Variants in RGL4 observed in about 807,000 individuals in gnomAD.
RGL4 encodes the protein ral-GDS-related protein.
Under a neutral mutation model 49.6 loss-of-function variants are expected in RGL4, and 41 were observed. That is an observed-to-expected ratio of 0.83 (90% CI 0.64 to 1.07). RGL4 has a LOEUF of 1.07. Ranked by LOEUF, RGL4 falls within the 50% of genes least tolerant of loss-of-function variation. The pLI, the probability that RGL4 is intolerant of heterozygous loss-of-function variation, is 0.00. For synonymous variants in RGL4, 255 were observed against 238.0 expected, an observed-to-expected ratio of 1.07 and a Z score of -0.66; for missense variants, 610 against 591.9, an observed-to-expected ratio of 1.03 and a Z score of -0.32.
intron 10 of RGL4, 148 bp from the exon 11 acceptor site, chr22:23,698,696 A>T: frequency 9.4e-7 from 1 of 1,064,596 alleles, no homozygotes; most frequent in South Asian, 1.5e-5. Flanking sequence ...GGCCAGCTGC[A>T]GAGAGCCTAT....
At chr22:23,697,293 T>C in intron 8 of RGL4, 48 bp downstream of exon 8, 2 of 1,496,480 alleles carry the variant, frequency 1.3e-6, no homozygotes, top group Non-Finnish European at 1.9e-6. Context: ...TCCTGAAGCT[T>C]GGGAGGAGAG....
chr22:23,697,034 C>A, intron 7 of RGL4, 137 bp from the exon 8 acceptor site: 1 of 720,094 alleles, frequency 1.4e-6, no homozygotes, highest in Non-Finnish European at 2.4e-6. Flanking sequence ...TTGGCTGCTC[C>A]AACCGGGAGA....
In RGL4 at chr22:23,693,898, C is replaced by A. The variant is rs775355671; in HGVS notation, c.836C>A (p.Thr279Asn). The A allele has an allele frequency of 8.1e-6, 13 of 1,613,818 alleles. No individual in the cohort carries two copies. In the Admixed American group the frequency reaches 2.0e-4, roughly 25 times the overall value. Reference protein sequence around the residue: ...HFNRLTNCITTSCLGDHSMRA... With the variant: ...HFNRLTNCITNSCLGDHSMRA... ...AACAGGCTCACCAACTGCATCACCA[C>A]CTCCTGCCTCGGGGACCACAGCATG... The change falls in exon 4 of 11, where the codon ACC (threonine) becomes AAC (asparagine). Residue 279 changes from threonine to asparagine, a missense_variant. By Grantham distance (65) the Thr-to-Asn change is moderately conservative (BLOSUM62 0). Coordinates refer to ENST00000290691, the MANE Select transcript of RGL4 (RefSeq NM_153615.2).
In RGL4 at chr22:23,692,039, G is replaced by A. The variant is rs1241287122; in HGVS notation, c.9G>A (p.Lys3=). ...CCAGATCTGGAGCTTTGATGAGGAA[G>A]CTGCTCACAAATCTGCCTGCAGCTG... The part of the protein sequence containing the change: MR[K]LLTNLPAAAV... The change falls in exon 1 of 11, where the codon AAG becomes AAA. Residue 3 remains lysine (K), a synonymous_variant. Coordinates refer to ENST00000290691, the MANE Select transcript of RGL4 (RefSeq NM_153615.2). The A allele has an allele frequency of 2.5e-6, 4 of 1,613,582 alleles. No homozygotes were observed. The highest frequency in any genetic ancestry group is 3.3e-4 in the Middle Eastern group (2 of 6,062).
rs528163306 is a variant in RGL4 at position 23,697,810 on chromosome 22, T to C, written c.1237-28T>C. On this transcript the variant is annotated intron_variant, in intron 8 of 10. Transcript: ENST00000290691. Reference sequence around the variant, plus strand: ...TGGGGCTGGTTGTGGGCCAGGGGCCTTTCTGATGGACTCTGTCTGCCTTCC... The same window carrying C: ...TGGGGCTGGTTGTGGGCCAGGGGCCCTTCTGATGGACTCTGTCTGCCTTCC... 83 of 1,599,230 alleles carry C rather than the reference T, an allele frequency of 5.2e-5. 2 individuals carry two copies. Among genetic ancestry groups the C allele is most frequent in the South Asian group, 1.9e-4 (17 of 87,986 alleles).
intron 4 of RGL4, 56 bp from the exon 5 acceptor site, chr22:23,694,291 G>A (rs1923344158): frequency 1.5e-6 from 2 of 1,318,146 alleles, no homozygotes. Context: ...GGGGGCTGAG[G>A]CTGTAGTGGG....
At chr22:23,695,438 TCTG>T (rs60344348) in intron 6 of RGL4, 217,107 of 529,330 alleles carry the variant, frequency 0.41, 36,466 homozygotes, top group African/African-American at 0.74. Context: ...AAGCCAGGCC[TCTG>T]CTGCTGCTGC....
chr22:23,698,330 A>T lies in RGL4; in HGVS notation c.1379A>T (p.Glu460Val). Residue 460 changes from glutamate (E) to valine (V), a missense_variant, in exon 10 of 11, where the codon GAG (glutamate) becomes GTG (valine). Glu to Val is a moderately radical substitution (Grantham distance 121). Transcript: ENST00000290691. ...AGAATGGAGCAGCTCAGTGACAAAGAGAGGTGAGGGCCTAGCCCATGGGCT... is the reference window on the plus strand; with the variant it reads ...AGAATGGAGCAGCTCAGTGACAAAGTGAGGTGAGGGCCTAGCCCATGGGCT... ...FTRMEQLSDK[E>V]SYKLSCQLEP... The T allele has an allele frequency of 6.2e-7, 1 of 1,602,664 alleles. No individual in the cohort carries two copies. Among genetic ancestry groups the T allele is most frequent in the Admixed American group, 1.7e-5 (1 of 59,804 alleles).
chr22:23,696,557 G>T, intron 6 of RGL4, 57 bp from the exon 7 acceptor site: 1 of 1,611,800 alleles, frequency 6.2e-7, no homozygotes. Context: ...GGGTGGCTGG[G>T]GTGTAACTGG....
intron 5 of RGL4, 56 bp downstream of exon 5, chr22:23,694,506 TC>T (rs779319899): frequency 2.5e-6 from 3 of 1,184,622 alleles, no homozygotes; most frequent in East Asian, 2.4e-5. Flanking sequence ...CTCACAGGTC[TC>T]CCCCCATGTG....
In RGL4 at chr22:23,692,766, G is replaced by C. The variant is rs1923221228; in HGVS notation, c.471G>C (p.Glu157Asp). 3 of 1,613,392 alleles carry C rather than the reference G, an allele frequency of 1.9e-6. No individual in the cohort carries two copies. In the African/African-American group the frequency reaches 4.0e-5, roughly 22 times the overall value. ...ACCTGGGGCCTGCTCTGGAGCCAGA[G>C]TCACCTGCAGCCCTGGGTCCACCAG... Reference protein sequence around the residue: ...LADLGPALEPESPAALGPPGY... With the variant: ...LADLGPALEPDSPAALGPPGY... The change falls in exon 3 of 11, where the codon GAG becomes GAC. Residue 157 changes from glutamate (E) to aspartate (D), a missense_variant. Physicochemically the swap from Glu to Asp is conservative, Grantham distance 45. Coordinates refer to ENST00000290691, the MANE Select transcript of RGL4 (RefSeq NM_153615.2).
rs201544430 is a variant in RGL4 at position 23,697,166 on chromosome 22, C to T, written c.1162-5C>T. 206 of 1,610,452 alleles carry T rather than the reference C, an allele frequency of 1.3e-4. 1 individual carries two copies. The African/African-American group carries it at 2.1e-3, about 17-fold the overall frequency. Reference sequence around the variant, plus strand: ...CTCCCACCTCCCCACCCCTCCTTGGCACAGGGTGTGGTCCCCTTCCTGGGG... The same window carrying T: ...CTCCCACCTCCCCACCCCTCCTTGGTACAGGGTGTGGTCCCCTTCCTGGGG... On this transcript the variant is annotated splice_polypyrimidine_tract_variant and splice_region_variant and intron_variant, in intron 7 of 10. Transcript: ENST00000290691.
At position 23,699,163 on chromosome 22, in the gene RGL4, A is replaced by G. The variant is rs1397233864; in HGVS notation, c.*280A>G. On this transcript the variant is annotated 3_prime_UTR_variant, in exon 11 of 11. Transcript: ENST00000290691. ...ACTTTCGTTAAAATAAAATTTTAAA[A>G]AACTATTCAAAATGTTCTGTAGTTG... 4.4e-6 allele frequency: 6 copies of G among 1,367,634 alleles called. No homozygotes were observed. The East Asian group carries it at 1.5e-4, about 35-fold the overall frequency. 84.7% of individuals were successfully genotyped at this position (1,367,634 alleles called of 1,614,324 possible). A position where few individuals can be genotyped will look rare whatever the true frequency, so the allele number is the denominator to read the frequency against.
In RGL4 at chr22:23,691,332, A is replaced by G. The variant is rs942639641; in HGVS notation, c.-699A>G. The G allele has an allele frequency of 2.6e-5, 4 of 152,206 alleles. No homozygotes were observed. Among genetic ancestry groups the G allele is most frequent in the Admixed American group, 2.0e-4 (3 of 15,286 alleles). 9.4% of individuals were successfully genotyped at this position (152,206 alleles called of 1,614,324 possible). On this transcript the variant is annotated 5_prime_UTR_variant, in exon 1 of 11. Transcript: ENST00000290691. ...TCCTTCTGGCTGGTCTTTCTCCTTGACACAGACAGAAGAGGGGTCCCTTGG... is the reference window on the plus strand; with the variant it reads ...TCCTTCTGGCTGGTCTTTCTCCTTGGCACAGACAGAAGAGGGGTCCCTTGG...
Position 23,697,883 on chromosome 22 carries a change from G to A in RGL4, c.1260+22G>A, listed in dbSNP as rs147155504. 896 of 1,601,390 alleles carry A rather than the reference G, an allele frequency of 5.6e-4. 5 individuals are homozygous for A. The African/African-American group carries it at 0.011, about 19-fold the overall frequency. On this transcript the variant is annotated intron_variant, in intron 9 of 10. Transcript: ENST00000290691. The stretch of plus-strand genomic sequence containing the variant: ...CAAGGTGAGCAGCTGGGGCACTCAC[G>A]TTGGATGAGGGTGGGGATGTGGACG...
chr22:23,695,540 A>G (rs1008546992), intron 6 of RGL4: 4 of 453,734 alleles, frequency 8.8e-6, no homozygotes, highest in East Asian at 7.2e-5. Flanking sequence ...GGGAACAACA[A>G]CAGAGGAAGC....
chr22:23,697,143 C>T (rs1436115719), intron 7 of RGL4, 28 bp from the exon 8 acceptor site: 3 of 1,548,494 alleles, frequency 1.9e-6, no homozygotes, highest in Non-Finnish European at 2.7e-6. Context: ...CACTACCCCT[C>T]CCACCTCCCC....
rs955008486 is a variant in RGL4 at position 23,694,135 on chromosome 22, C to T, written c.912+161C>T. ...TTCACTCACCTTGACTCCCACGGCC[C>T]AGTGGTGGCTGCTCACTTCCGACCT... On this transcript the variant is annotated intron_variant, in intron 4 of 10. Coordinates refer to ENST00000290691, the MANE Select transcript of RGL4 (RefSeq NM_153615.2). The T allele has an allele frequency of 8.1e-6, 6 of 743,360 alleles. No homozygotes were observed. In the African/African-American group the frequency reaches 1.0e-4, roughly 13 times the overall value. 46.0% of individuals were successfully genotyped at this position (743,360 alleles called of 1,614,324 possible). A position where few individuals can be genotyped will look rare whatever the true frequency, so the allele number is the denominator to read the frequency against.
rs1304518811 is a variant in RGL4 at position 23,692,372 on chromosome 22, A to T, written c.217A>T (p.Asn73Tyr). ...TSILFNWPPENTSVYYQPPQR... is the reference protein window; with the variant it reads ...TSILFNWPPEYTSVYYQPPQR... ...CATTTTGTTCAACTGGCCCCCCGAAAACACTTCAGTTTACTATCAGCCCCC... is the reference window on the plus strand; with the variant it reads ...CATTTTGTTCAACTGGCCCCCCGAATACACTTCAGTTTACTATCAGCCCCC... The change falls in exon 2 of 11, where the codon AAC (asparagine) becomes TAC (tyrosine). Residue 73 changes from asparagine (N) to tyrosine (Y), a missense_variant. Coordinates refer to ENST00000290691, the MANE Select transcript of RGL4 (RefSeq NM_153615.2). The T allele has an allele frequency of 5.6e-6, 9 of 1,614,132 alleles. No homozygotes were observed. Among genetic ancestry groups the T allele is most frequent in the Non-Finnish European group, 7.6e-6 (9 of 1,180,026 alleles).
Sources: allele counts gnomAD v4.1 joint callset, GRCh38; gene constraint gnomAD v4.1.1; transcripts MANE v1.5; gene names NCBI Gene and HGNC (gene_info 2026-07-23, HGNC 2026-07-21).